Variants in SLC22A8 observed in about 807,000 individuals in gnomAD.
SLC22A8 encodes solute carrier family 22 member 8, also known as organic anion transporter 3.
A neutral mutation model predicts 48.4 loss-of-function variants in SLC22A8; 40 were observed. That is an observed-to-expected ratio of 0.83 (90% CI 0.64 to 1.08). The LOEUF (loss-of-function observed/expected upper bound fraction) is 1.08, where lower values mean the gene tolerates loss of function less well. Ranked by LOEUF, SLC22A8 falls within the 50% of genes least tolerant of loss-of-function variation. The pLI, the probability that SLC22A8 is intolerant of heterozygous loss-of-function variation, is 0.00. For missense variants in SLC22A8, 606 were observed against 699.0 expected, an observed-to-expected ratio of 0.87 and a Z score of 1.50; for synonymous variants, 268 against 286.3, an observed-to-expected ratio of 0.94 and a Z score of 0.65.
intron 2 of SLC22A8, among the ~76,000 whole-genome samples, chr11:63,009,488 G>A (rs546845244): frequency 3.3e-5 from 5 of 152,250 alleles, no homozygotes; most frequent in Non-Finnish European, 5.9e-5. Context: ...CCATGGCCAG[G>A]CCCAGGCCCT....
chr11:63,005,671 A>C (rs2086545975), intron 2 of SLC22A8, among the ~76,000 whole-genome samples: 1 of 151,832 alleles, frequency 6.6e-6, no homozygotes, highest in South Asian at 2.1e-4. Flanking sequence ...GGATGTTATG[A>C]TCCACAGAGG....
intron 5 of SLC22A8, among the ~76,000 whole-genome samples, chr11:62,998,193 C>G (rs187441092): frequency 6.6e-6 from 1 of 152,260 alleles, no homozygotes; most frequent in East Asian, 1.9e-4. Context: ...CTCAAGTGAT[C>G]TCCCTGCCTT....
Position 62,999,091 on chromosome 11 carries a change from T to C in SLC22A8, c.593-2A>G, listed in dbSNP as rs1411464442. 1.9e-6 allele frequency: 3 copies of C among 1,610,264 alleles called. No individual in the cohort carries two copies. In the African/African-American group the frequency reaches 4.0e-5, roughly 22 times the overall value. ...TCCGGGTAGGCACCCATTCCACATC[T>C]GTGGGAGGAGTCCAAGCACCAGATT... On this transcript the variant is annotated splice_acceptor_variant, in intron 4 of 10. Coordinates refer to ENST00000336232, the MANE Select transcript of SLC22A8 (RefSeq NM_004254.4). LOFTEE classifies it high-confidence loss of function.
At chr11:62,994,389 G>C (rs777778792) in intron 8 of SLC22A8, 153 bp downstream of exon 8, 24 of 629,198 alleles carry the variant, frequency 3.8e-5, no homozygotes, top group Non-Finnish European at 5.9e-5. Context: ...GCCCAATTGC[G>C]TTATTTTCTA....
Position 63,000,812 on chromosome 11 carries a change from C to T in SLC22A8, c.345G>A (p.Val115=), listed in dbSNP as rs200424750. ...KDSIVTEWDL[V]CNSNKLKEMA... ...TCTCCTTCAGTTTGTTGGAGTTGCA[C>T]ACCAAGTCCCACTGCACAAGAGAAA... The change falls in exon 3 of 11, where the codon GTG becomes GTA. Residue 115 remains valine, a synonymous_variant. Transcript: ENST00000336232. The T allele has an allele frequency of 7.1e-5, 114 of 1,612,680 alleles. No homozygotes were observed. Among genetic ancestry groups the T allele is most frequent in the Admixed American group, 5.2e-4 (31 of 60,024 alleles).
At chr11:62,995,533 G>A in intron 7 of SLC22A8, 171 bp downstream of exon 7, 3 of 604,996 alleles carry the variant, frequency 5.0e-6, no homozygotes, top group Non-Finnish European at 8.9e-6. Context: ...CTGGGTGTGG[G>A]GCAGGAATGC....
In SLC22A8 at chr11:63,000,793, T is replaced by G. The variant is rs1367875873; in HGVS notation, c.364A>C (p.Lys122Gln). ...ATGAAGATAGACTGGGCCATCTCCTTCAGTTTGTTGGAGTTGCACACCAAG... is the reference window on the plus strand; with the variant it reads ...ATGAAGATAGACTGGGCCATCTCCTGCAGTTTGTTGGAGTTGCACACCAAG... ...WDLVCNSNKL[K>Q]EMAQSIFMAG... The change falls in exon 3 of 11, where the codon AAG becomes CAG. Residue 122 changes from lysine (K) to glutamine (Q), a missense_variant. Coordinates refer to ENST00000336232, the MANE Select transcript of SLC22A8 (RefSeq NM_004254.4). 6.2e-7 allele frequency: 1 copy of G among 1,613,960 alleles called. No homozygotes were observed.
chr11:62,996,084 C>T lies in SLC22A8; in HGVS notation c.830G>A (p.Arg277Gln), dbSNP rs113064223. ...GKSSKALKIL[R>Q]RVAVFNGKKE... ...CTTGCCATTGAAGACAGCCACCCGCCGGAGTATCTTCAGGGCCTTCGAGGA... is the reference window on the plus strand; with the variant it reads ...CTTGCCATTGAAGACAGCCACCCGCTGGAGTATCTTCAGGGCCTTCGAGGA... The change falls in exon 6 of 11, where the codon CGG becomes CAG. Residue 277 changes from arginine (R) to glutamine (Q), a missense_variant. By Grantham distance (43) the Arg-to-Gln change is conservative. Transcript: ENST00000336232. 33 of 1,614,060 alleles carry T rather than the reference C, an allele frequency of 2.0e-5. No individual in the cohort carries two copies. The highest frequency in any genetic ancestry group is 5.3e-5 in the African/African-American group (4 of 75,010).
intron 6 of SLC22A8, 35 bp downstream of exon 6, chr11:62,995,994 G>T (rs1424886337): frequency 1.2e-6 from 2 of 1,613,002 alleles, no homozygotes; most frequent in Non-Finnish European, 1.7e-6. Context: ...GGAGCACAGG[G>T]GTTCTGCTCC....
At chr11:62,995,434 G>A (rs2086404180) in intron 7 of SLC22A8, 1 of 521,630 alleles carries the variant, frequency 1.9e-6, no homozygotes, top group African/African-American at 1.9e-5. Context: ...GCAGGGATGT[G>A]AGCTGGGGAA....
intron 5 of SLC22A8, 122 bp from the exon 6 acceptor site, chr11:62,996,274 G>T: frequency 1.0e-6 from 1 of 969,774 alleles, no homozygotes; most frequent in Non-Finnish European, 1.5e-6. Context: ...CTATCTCACT[G>T]CAGATTTCAT....
At chr11:63,005,179 T>C (rs1372719033) in intron 2 of SLC22A8, among the ~76,000 whole-genome samples, 1 of 152,218 alleles carries the variant, frequency 6.6e-6, no homozygotes, top group African/African-American at 2.4e-5. Context: ...TCCCAGAGAT[T>C]TCATGGTTAA....
chr11:63,010,771 C>T (rs1421384512), intron 2 of SLC22A8, among the ~76,000 whole-genome samples: 1 of 152,182 alleles, frequency 6.6e-6, no homozygotes, highest in African/African-American at 2.4e-5. Context: ...CACACTATCT[C>T]AGCTGCTGAA....
chr11:63,004,202 A>G (rs1201851861), intron 2 of SLC22A8, among the ~76,000 whole-genome samples: 1 of 152,220 alleles, frequency 6.6e-6, no homozygotes, highest in Non-Finnish European at 1.5e-5. Flanking sequence ...AGGCTTTAGA[A>G]TAACTGTCAT....
intron 2 of SLC22A8, among the ~76,000 whole-genome samples, chr11:63,003,594 A>G (rs1342209769): frequency 6.6e-6 from 1 of 152,232 alleles, no homozygotes; most frequent in Non-Finnish European, 1.5e-5. Flanking sequence ...AATCTAAAGG[A>G]GAGACCTACT....
At chr11:62,997,192 C>T (rs763389646) in intron 5 of SLC22A8, among the ~76,000 whole-genome samples, 1 of 152,144 alleles carries the variant, frequency 6.6e-6, no homozygotes. Flanking sequence ...TGACAGGCAA[C>T]ATTATCTTCA....
chr11:63,015,081 G>A lies in SLC22A8; in HGVS notation c.-25-98C>T, dbSNP rs1245298474. 5 of 726,874 alleles carry A rather than the reference G, an allele frequency of 6.9e-6. 1 individual carries two copies. Among genetic ancestry groups the A allele is most frequent in the South Asian group, 4.2e-5 (2 of 47,828 alleles). The allele number at this position is 726,874 out of a possible 1,614,324, so 45.0% of individuals were successfully genotyped here. A position where few individuals can be genotyped will look rare whatever the true frequency, so the allele number is the denominator to read the frequency against. On this transcript the variant is annotated intron_variant, in intron 1 of 10. Coordinates refer to ENST00000336232, the MANE Select transcript of SLC22A8 (RefSeq NM_004254.4). ...GGGAGGGTGAACCAGGTGGATATGCGAGCACAGGTGTGTGGAGCAGAGCAT... is the reference window on the plus strand; with the variant it reads ...GGGAGGGTGAACCAGGTGGATATGCAAGCACAGGTGTGTGGAGCAGAGCAT...
Position 63,014,769 on chromosome 11 carries a change from T to TG in SLC22A8, c.189dup (p.Met64HisfsTer8). On this transcript the variant is annotated frameshift_variant, in exon 2 of 11. Transcript: ENST00000336232. LOFTEE classifies it high-confidence loss of function. The stretch of plus-strand genomic sequence containing the variant: ...CTCTCAGGCTTCCCATTTGGGCCCA[T>TG]GGGGAGCACCCAAGGCCCTGTGGAG... 6.2e-7 allele frequency: 1 copy of TG among 1,613,798 alleles called. No homozygotes were observed. The highest frequency in any genetic ancestry group is 8.5e-7 in the Non-Finnish European group (1 of 1,179,804).
At chr11:63,001,342 C>A (rs1404913119) in intron 2 of SLC22A8, among the ~76,000 whole-genome samples, 1 of 152,164 alleles carries the variant, frequency 6.6e-6, no homozygotes. Flanking sequence ...TCATTCACTC[C>A]ATTTCTCTCT....
Sources: allele counts gnomAD v4.1 joint callset (sites outside exome capture counted in the v4.1 genomes callset), GRCh38; gene constraint gnomAD v4.1.1; transcripts MANE v1.5; gene names NCBI Gene and HGNC (gene_info 2026-07-23, HGNC 2026-07-21).